Variants in TMEM108 observed in about 807,000 individuals in gnomAD.
The protein encoded by TMEM108 is transmembrane protein 108.
In TMEM108, 12 loss-of-function variants were observed where a neutral mutation model predicts 35.1. The observed-to-expected ratio is 0.34, with a 90% confidence interval of 0.22 to 0.55. The LOEUF (loss-of-function observed/expected upper bound fraction) is 0.55. Among genes scored for constraint, TMEM108 ranks in the 20% least tolerant of loss-of-function variants. The pLI is 0.89. For synonymous variants in TMEM108, 287 were observed against 308.6 expected (o/e 0.93, Z 0.73); for missense variants, 680 against 753.3 (o/e 0.90, Z 1.14).
At position 133,380,949 on chromosome 3, in the gene TMEM108, G is replaced by A. The variant is rs149789292; in HGVS notation, c.1238G>A (p.Arg413Gln). 90 of 1,614,022 alleles carry A rather than the reference G, an allele frequency of 5.6e-5. No homozygotes were observed. Among genetic ancestry groups the A allele is most frequent in the Non-Finnish European group, 6.8e-5 (80 of 1,180,028 alleles). The change falls in exon 4 of 6, where the codon CGG becomes CAG. Residue 413 changes from arginine to glutamine, a missense_variant. Arg to Gln is a conservative substitution (Grantham distance 43). Around this residue, in one of 3 missense-constraint regions of TMEM108, gnomAD observed 526 missense variants for 532.1 expected, o/e 0.99. Transcript: ENST00000321871. This position sits in a 1 kb window ranked among gnomAD's most constrained non-coding sequence, Gnocchi z 5.3. The stretch of plus-strand genomic sequence containing the variant: ...GTGGCCACCCTCACCATGACCGACC[G>A]GGTGCCCAGTCCTCTCTCCACAGTG... ...ETVATLTMTD[R>Q]VPSPLSTVVS...
intron 2 of TMEM108, among the ~76,000 whole-genome samples, chr3:133,151,076 T>C (rs1944793122): frequency 1.3e-5 from 2 of 152,164 alleles, no homozygotes; most frequent in Non-Finnish European, 2.9e-5. Flanking sequence ...TTTATTCCTT[T>C]AGCTCTCCTG....
intron 2 of TMEM108, among the ~76,000 whole-genome samples, chr3:133,225,208 G>A (rs547087731): frequency 5.9e-5 from 9 of 151,976 alleles, no homozygotes; most frequent in South Asian, 2.1e-4. Context: ...CACCATGCCC[G>A]GCTAATTTTT....
chr3:133,179,072 C>G (rs1018309894), intron 2 of TMEM108, among the ~76,000 whole-genome samples: 1 of 151,922 alleles, frequency 6.6e-6, no homozygotes, highest in Admixed American at 6.6e-5. Flanking sequence ...TCATCACTGG[C>G]CATCAGAGAA....
intron 2 of TMEM108, among the ~76,000 whole-genome samples, chr3:133,208,643 TC>T (rs1220900701): frequency 6.6e-6 from 1 of 152,104 alleles, no homozygotes; most frequent in Non-Finnish European, 1.5e-5. Flanking sequence ...TATTCTCCCC[TC>T]CTCTAGAAGA....
intron 3 of TMEM108, among the ~76,000 whole-genome samples, chr3:133,349,684 G>T (rs1225477737): frequency 6.6e-6 from 1 of 151,844 alleles, no homozygotes; most frequent in Non-Finnish European, 1.5e-5. Flanking sequence ...ATGAAAAAAT[G>T]CTCATTACTA....
At chr3:133,210,302 G>A (rs1945817438) in intron 2 of TMEM108, among the ~76,000 whole-genome samples, 1 of 152,146 alleles carries the variant, frequency 6.6e-6, no homozygotes, top group Non-Finnish European at 1.5e-5. Context: ...CTTAATCTGG[G>A]ATGTAGCATG....
chr3:133,310,397 G>A (rs1211007476), intron 3 of TMEM108, among the ~76,000 whole-genome samples: 3 of 152,114 alleles, frequency 2.0e-5, no homozygotes, highest in South Asian at 4.2e-4. Context: ...TGTATTGGGT[G>A]CATATATATT....
At chr3:133,154,139 TG>T (rs1944842168) in intron 2 of TMEM108, among the ~76,000 whole-genome samples, 1 of 152,136 alleles carries the variant, frequency 6.6e-6, no homozygotes, top group Non-Finnish European at 1.5e-5. Context: ...TGGGGTTGTT[TG>T]TTTTTTTCTT....
intron 3 of TMEM108, among the ~76,000 whole-genome samples, chr3:133,296,251 G>A (rs764722416): frequency 3.3e-5 from 5 of 152,236 alleles, no homozygotes; most frequent in African/African-American, 4.8e-5. Flanking sequence ...TAGAAGAATC[G>A]TTAAAGCTGT....
At chr3:133,145,635 T>C (rs1421795375) in intron 2 of TMEM108, among the ~76,000 whole-genome samples, 1 of 152,206 alleles carries the variant, frequency 6.6e-6, no homozygotes, top group Non-Finnish European at 1.5e-5. Context: ...TCTGCTCTTA[T>C]TTCGTTGAGC....
At chr3:133,281,058 G>T (rs947156977) in intron 3 of TMEM108, among the ~76,000 whole-genome samples, 1 of 152,168 alleles carries the variant, frequency 6.6e-6, no homozygotes. Context: ...CCTCTTGATG[G>T]GAAAGAATTT....
At chr3:133,246,446 G>T (rs2107664579) in intron 3 of TMEM108, 1 of 151,056 alleles carries the variant, frequency 6.6e-6, no homozygotes, top group Admixed American at 6.6e-5. Context: ...TTAATACCTT[G>T]AAAGTTGAAT....
intron 3 of TMEM108, among the ~76,000 whole-genome samples, chr3:133,278,275 A>G (rs755992810): frequency 6.6e-6 from 1 of 152,242 alleles, no homozygotes; most frequent in Non-Finnish European, 1.5e-5. Flanking sequence ...TTGAATTAGA[A>G]TGCTGGCTCT....
intron 3 of TMEM108, among the ~76,000 whole-genome samples, chr3:133,344,646 G>T (rs1213035440): frequency 6.6e-6 from 1 of 151,678 alleles, no homozygotes; most frequent in East Asian, 1.9e-4. Context: ...TCACACTTAT[G>T]AATTATCCAG....
At chr3:133,242,844 G>A (rs1946332504) in intron 3 of TMEM108, among the ~76,000 whole-genome samples, 1 of 152,214 alleles carries the variant, frequency 6.6e-6, no homozygotes, top group African/African-American at 2.4e-5. Flanking sequence ...ACAGAGCCCA[G>A]GCTCTGTGCT....
chr3:133,356,686 G>C (rs554520951), intron 3 of TMEM108, among the ~76,000 whole-genome samples: 1 of 152,024 alleles, frequency 6.6e-6, no homozygotes, highest in Non-Finnish European at 1.5e-5. Flanking sequence ...ACAGCCAACT[G>C]ATCTACAAAC....
intron 3 of TMEM108, among the ~76,000 whole-genome samples, chr3:133,240,400 CA>C (rs1474784347): frequency 6.6e-6 from 1 of 152,128 alleles, no homozygotes; most frequent in Non-Finnish European, 1.5e-5. Flanking sequence ...GCAGATAAAA[CA>C]AAAGTTTAAT....
chr3:133,068,138 A>G (rs1943633191), intron 2 of TMEM108, among the ~76,000 whole-genome samples: 1 of 151,754 alleles, frequency 6.6e-6, no homozygotes, highest in Non-Finnish European at 1.5e-5. Context: ...TGTTAATGTT[A>G]TCTCTTAAAG....
chr3:133,350,773 T>C (rs565185426), intron 3 of TMEM108, among the ~76,000 whole-genome samples: 15 of 152,030 alleles, frequency 9.9e-5, no homozygotes, highest in Non-Finnish European at 2.1e-4. Context: ...GGTCAGAGAA[T>C]TGGTTGAATG....
Sources: gnomAD v4.1 joint callset for allele counts (sites outside exome capture counted in the v4.1 genomes callset) on GRCh38, gnomAD v4.1.1 for gene constraint, gnomAD v4.1.1 regional missense constraint, Gnocchi (gnomAD v3.1) non-coding constraint, MANE v1.5 for transcripts, NCBI Gene and HGNC (gene_info 2026-07-23, HGNC 2026-07-21) for gene names.